Variants in ARHGAP26 observed in about 807,000 individuals in gnomAD.
ARHGAP26 encodes the protein rho GTPase-activating protein 26.
ARHGAP26 carries 38 observed loss-of-function variants against 104.8 expected under a neutral mutation model. That is an observed-to-expected ratio of 0.36 (90% CI 0.28 to 0.48). The LOEUF (loss-of-function observed/expected upper bound fraction) is 0.48, where lower values mean the gene tolerates loss of function less well. Among genes scored for constraint, ARHGAP26 ranks in the 20% least tolerant of loss-of-function variants. The probability of loss-of-function intolerance (pLI) is 0.99; values close to 1 mark genes in which losing one functional copy is unlikely to be tolerated. For missense variants in ARHGAP26, 704 were observed against 947.9 expected, an observed-to-expected ratio of 0.74 and a Z score of 3.38; for synonymous variants, 341 against 340.0, an observed-to-expected ratio of 1.00 and a Z score of -0.03.
intron 12 of ARHGAP26, among the ~76,000 whole-genome samples, chr5:143,029,179 A>T (rs1015642170): frequency 1.5e-4 from 23 of 152,156 alleles, no homozygotes; most frequent in Non-Finnish European, 2.9e-4. Flanking sequence ...GTTCATTTCA[A>T]TGTGGGTGGT....
At chr5:142,843,694 C>T (rs540095343) in intron 1 of ARHGAP26, among the ~76,000 whole-genome samples, 84 of 152,192 alleles carry the variant, frequency 5.5e-4, no homozygotes, top group African/African-American at 1.2e-3. Flanking sequence ...ACATGGGGCA[C>T]GGTGGATATA....
Position 143,012,558 on chromosome 5 carries a change from T to TATATATATATATATATAC in ARHGAP26, c.1108-1505_1108-1504insCATATATATATATATATA, listed in dbSNP as rs1778986486. Among the ~76,000 whole-genome samples the TATATATATATATATATAC allele has an allele frequency of 3.9e-4, 28 of 72,394 alleles. 1 individual carries two copies. The highest frequency in any genetic ancestry group is 7.5e-4 in the Non-Finnish European group (21 of 28,002). The allele number at this position is 72,394 out of a possible 152,430, so 47.5% of individuals were successfully genotyped here. On this transcript the variant is annotated intron_variant, in intron 11 of 22. Transcript: ENST00000645722. Reference sequence around the variant, plus strand: ...ATATTTATATACATACATACATATATATATATATATATATATATTATGATC... The same window carrying TATATATATATATATATAC: ...ATATTTATATACATACATACATATATATATATATATATATATACATATATATATATATATATTATGATC...
intron 21 of ARHGAP26, among the ~76,000 whole-genome samples, chr5:143,208,183 T>TG (rs1256257119): frequency 6.9e-6 from 1 of 144,864 alleles, no homozygotes; most frequent in African/African-American, 2.7e-5. Flanking sequence ...TTGTGCTCTT[T>TG]GGGAAAAAAA....
At chr5:142,851,942 T>C (rs1282580128) in intron 1 of ARHGAP26, among the ~76,000 whole-genome samples, 1 of 152,224 alleles carries the variant, frequency 6.6e-6, no homozygotes, top group Non-Finnish European at 1.5e-5. Context: ...GGGTTCACTC[T>C]ACATAGGCAC....
At chr5:143,038,099 C>T (rs137997602) in intron 13 of ARHGAP26, among the ~76,000 whole-genome samples, 2 of 152,326 alleles carry the variant, frequency 1.3e-5, no homozygotes, top group East Asian at 3.9e-4. Context: ...AGCTATTAAC[C>T]ATCTTTCCAC....
At chr5:142,929,001 G>T (rs1257408146) in intron 10 of ARHGAP26, among the ~76,000 whole-genome samples, 1 of 152,154 alleles carries the variant, frequency 6.6e-6, no homozygotes, top group Non-Finnish European at 1.5e-5. Context: ...GCAGTGGCAT[G>T]ATCTTGGCTC....
At chr5:142,775,624 CA>C (rs1412497491) in intron 1 of ARHGAP26, among the ~76,000 whole-genome samples, 3 of 152,142 alleles carry the variant, frequency 2.0e-5, no homozygotes, top group Non-Finnish European at 2.9e-5. Flanking sequence ...TCCCATTAAA[CA>C]ATAACTCCCC....
intron 21 of ARHGAP26, among the ~76,000 whole-genome samples, chr5:143,212,281 A>G (rs899849495): frequency 2.0e-5 from 3 of 151,296 alleles, no homozygotes; most frequent in East Asian, 3.9e-4. Context: ...TTTGCCTGTC[A>G]GTATAGTCTT....
chr5:142,918,787 C>T (rs781332590), intron 10 of ARHGAP26, among the ~76,000 whole-genome samples: 1 of 152,210 alleles, frequency 6.6e-6, no homozygotes, highest in East Asian at 1.9e-4. Flanking sequence ...TTCCTAACAT[C>T]AAAAAGCTAA....
chr5:143,026,115 G>T (rs1781015651), intron 12 of ARHGAP26, among the ~76,000 whole-genome samples: 1 of 152,186 alleles, frequency 6.6e-6, no homozygotes, highest in African/African-American at 2.4e-5. Context: ...AACTCTAGAA[G>T]GTACCAATAT....
chr5:143,171,731 A>C (rs779715788), intron 20 of ARHGAP26, among the ~76,000 whole-genome samples: 4 of 152,122 alleles, frequency 2.6e-5, no homozygotes, highest in Non-Finnish European at 5.9e-5. Context: ...ACAAAACTAA[A>C]AACTTTCCCT....
chr5:142,906,307 A>G (rs1292880531), intron 8 of ARHGAP26, among the ~76,000 whole-genome samples: 2 of 152,240 alleles, frequency 1.3e-5, no homozygotes, highest in African/African-American at 2.4e-5. Context: ...CCTTAAGATC[A>G]TGTAAATATC....
intron 22 of ARHGAP26, 134 bp downstream of exon 22, chr5:143,214,222 G>A (rs377614303): frequency 9.1e-5 from 54 of 594,168 alleles, no homozygotes; most frequent in South Asian, 4.3e-4. Context: ...GTGTGTGTGC[G>A]TCTGTGTGTG....
chr5:143,196,693 TG>T (rs1479836072), intron 20 of ARHGAP26, among the ~76,000 whole-genome samples: 1 of 152,216 alleles, frequency 6.6e-6, no homozygotes, highest in Admixed American at 6.5e-5. Flanking sequence ...CCATTTTAAA[TG>T]GCAAAATCAC....
rs568076871 is a variant in ARHGAP26 at position 143,167,409 on chromosome 5, G to T, written c.1988+20028G>T. On this transcript the variant is annotated intron_variant, in intron 20 of 22. Transcript: ENST00000645722. ...AGACATGAGAATCACTTGAACCCGGGGGGGAAGAGGTTACAGTGAGCTGAG... is the reference window on the plus strand; with the variant it reads ...AGACATGAGAATCACTTGAACCCGGTGGGGAAGAGGTTACAGTGAGCTGAG... 1.2e-4 allele frequency among the ~76,000 whole-genome samples: 18 copies of T among 145,872 alleles called. No homozygotes were observed. The East Asian group carries it at 3.0e-3, about 24-fold the overall frequency.
intron 20 of ARHGAP26, among the ~76,000 whole-genome samples, chr5:143,201,155 C>T (rs1807655204): frequency 6.6e-6 from 1 of 152,186 alleles, no homozygotes; most frequent in African/African-American, 2.4e-5. Flanking sequence ...TGTAAGCCTA[C>T]CAGTTGAATC....
At chr5:143,049,927 T>G (rs985990177) in intron 14 of ARHGAP26, among the ~76,000 whole-genome samples, 2 of 152,214 alleles carry the variant, frequency 1.3e-5, no homozygotes, top group Non-Finnish European at 2.9e-5. Flanking sequence ...TCACTTGCCT[T>G]GATATAAGAG....
At chr5:142,847,362 C>G (rs1490465525) in intron 1 of ARHGAP26, among the ~76,000 whole-genome samples, 2 of 145,520 alleles carry the variant, frequency 1.4e-5, no homozygotes, top group African/African-American at 5.0e-5. Flanking sequence ...ATGGAGATGT[C>G]TTTTTTTTTT....
chr5:142,993,638 G>T (rs535269017), intron 11 of ARHGAP26, among the ~76,000 whole-genome samples: 1 of 151,486 alleles, frequency 6.6e-6, no homozygotes, highest in Admixed American at 6.6e-5. Flanking sequence ...CTAGATTGTT[G>T]ATTTTTTTTC....
Sources: allele counts gnomAD v4.1 joint callset (sites outside exome capture counted in the v4.1 genomes callset), GRCh38; gene constraint gnomAD v4.1.1; transcripts MANE v1.5; gene names NCBI Gene and HGNC (gene_info 2026-07-23, HGNC 2026-07-21).